GLIS3: variants seen among roughly 807,000 people sequenced by gnomAD.
The protein encoded by GLIS3 is GLIS family zinc finger 3.
A neutral mutation model predicts 78.6 loss-of-function variants in GLIS3; 53 were observed. The ratio of observed to expected loss-of-function variants is 0.67; its 90% CI spans 0.54 to 0.85. The LOEUF (loss-of-function observed/expected upper bound fraction) is 0.85, where lower values mean the gene tolerates loss of function less well. GLIS3 is among the 40% of genes least tolerant of loss of function. The probability of loss-of-function intolerance (pLI) is 0.00; values close to 1 mark genes in which losing one functional copy is unlikely to be tolerated. For missense variants in GLIS3, 1,703 were observed against 1,231.1 expected (o/e 1.38, Z -5.74); for synonymous variants, 684 against 509.9 (o/e 1.34, Z -4.60).
chr9:4,238,556 C>G (rs927419889), intron 2 of GLIS3, among the ~76,000 whole-genome samples: 1 of 152,180 alleles, frequency 6.6e-6, no homozygotes, highest in Non-Finnish European at 1.5e-5. Context: ...ACTCAGAAGG[C>G]CCGTGTGAAG....
the GLIS3 span, among the ~76,000 whole-genome samples, chr9:4,393,427 C>T: frequency 1.3e-4 from 20 of 152,166 alleles, no homozygotes; most frequent in Non-Finnish European, 2.9e-4. Context: ...AAATTTAACA[C>T]TCACACAGTA....
At chr9:4,264,645 C>T (rs538834964) in intron 2 of GLIS3, among the ~76,000 whole-genome samples, 20 of 152,158 alleles carry the variant, frequency 1.3e-4, no homozygotes, top group Non-Finnish European at 2.2e-4. Context: ...ACACTCTTCA[C>T]TCAAATCAGA....
intron 7 of GLIS3, 151 bp from the exon 8 acceptor site, chr9:3,879,746 C>T (rs1326418178): frequency 2.5e-6 from 2 of 803,074 alleles, no homozygotes; most frequent in Non-Finnish European, 4.0e-6. Flanking sequence ...CTTGGGTACA[C>T]ACAGCTTTTA....
the GLIS3 span, among the ~76,000 whole-genome samples, chr9:4,387,672 A>C: frequency 6.6e-6 from 1 of 152,232 alleles, no homozygotes; most frequent in Non-Finnish European, 1.5e-5. Flanking sequence ...TGAGCTAGGT[A>C]GTTCACTCAT....
At chr9:4,153,122 T>C (rs1212739733) in intron 2 of GLIS3, among the ~76,000 whole-genome samples, 2 of 152,114 alleles carry the variant, frequency 1.3e-5, no homozygotes, top group African/African-American at 4.8e-5. Context: ...TGTCTAGACA[T>C]TGCCAAATGT....
chr9:4,383,920 C>T, the GLIS3 span, among the ~76,000 whole-genome samples: 1 of 152,142 alleles, frequency 6.6e-6, no homozygotes, highest in African/African-American at 2.4e-5. Context: ...GCTAGGTGGT[C>T]CTAGAGAGAG....
At chr9:4,364,360 G>A in the GLIS3 span, among the ~76,000 whole-genome samples, 12 of 152,188 alleles carry the variant, frequency 7.9e-5, no homozygotes, top group African/African-American at 2.9e-4. Context: ...CCTTGGGTGA[G>A]GATAAGTCTT....
rs181859921 is a variant in GLIS3 at position 4,140,292 on chromosome 9, C to G, written c.389-14351G>C. ...TGAGCCAGGATGGCACCACGGCACT[C>G]CAGCCTGGGTGACAAAGTGAGACCC... On this transcript the variant is annotated intron_variant, in intron 2 of 10. Transcript: ENST00000381971. 7.8e-3 allele frequency among the ~76,000 whole-genome samples: 1,185 copies of G among 152,210 alleles called. 50 individuals carry two copies. The highest frequency in any genetic ancestry group is 0.067 in the Admixed American group (1,030 of 15,278).
At chr9:4,416,822 T>G in the GLIS3 span, among the ~76,000 whole-genome samples, 2 of 147,008 alleles carry the variant, frequency 1.4e-5, no homozygotes, top group South Asian at 2.2e-4. Flanking sequence ...GTTTTTTTTT[T>G]TTTTTTTTTT....
chr9:4,192,173 C>T (rs1818389289), intron 2 of GLIS3, among the ~76,000 whole-genome samples: 1 of 152,184 alleles, frequency 6.6e-6, no homozygotes, highest in East Asian at 1.9e-4. Flanking sequence ...AAAATTTTCA[C>T]AATCTCTTTA....
chr9:4,207,633 CTA>C (rs1461542023), intron 2 of GLIS3, among the ~76,000 whole-genome samples: 1 of 152,200 alleles, frequency 6.6e-6, no homozygotes, highest in Non-Finnish European at 1.5e-5. Context: ...ACAGCCCATA[CTA>C]TGTGTGACAT....
At chr9:4,206,126 C>G (rs375237962) in intron 2 of GLIS3, among the ~76,000 whole-genome samples, 2 of 152,234 alleles carry the variant, frequency 1.3e-5, no homozygotes, top group South Asian at 4.2e-4. Flanking sequence ...AAGGCAAACT[C>G]TACATGCTTT....
At chr9:4,429,112 A>T in the GLIS3 span, among the ~76,000 whole-genome samples, 1 of 152,174 alleles carries the variant, frequency 6.6e-6, no homozygotes, top group Admixed American at 6.5e-5. Flanking sequence ...TGGAAGTGGC[A>T]GTTCCATAGC....
chr9:4,288,153 T>C (rs1348949055), intron 1 of GLIS3, among the ~76,000 whole-genome samples: 1 of 152,220 alleles, frequency 6.6e-6, no homozygotes, highest in African/African-American at 2.4e-5. Context: ...CTCCTGTGTG[T>C]CACCAGCCAG....
chr9:3,878,536 C>T (rs148993632), intron 8 of GLIS3: 19 of 152,270 alleles, frequency 1.2e-4, no homozygotes, highest in African/African-American at 4.6e-4. Flanking sequence ...CACCAGTAAT[C>T]TCTAAGTTAC....
intron 4 of GLIS3, among the ~76,000 whole-genome samples, chr9:4,039,453 C>A (rs1157395924): frequency 6.6e-6 from 1 of 152,152 alleles, no homozygotes; most frequent in Non-Finnish European, 1.5e-5. Flanking sequence ...GAGGCCTGTG[C>A]TTCTTGGAAA....
chr9:4,185,885 C>T (rs994060386), intron 2 of GLIS3, among the ~76,000 whole-genome samples: 8 of 152,152 alleles, frequency 5.3e-5, no homozygotes, highest in African/African-American at 1.9e-4. Context: ...ACATGTTCCA[C>T]ACAAACCAGC....
the GLIS3 span, among the ~76,000 whole-genome samples, chr9:4,377,843 G>A: frequency 6.6e-6 from 1 of 152,156 alleles, no homozygotes; most frequent in Non-Finnish European, 1.5e-5. Flanking sequence ...GGAAAAAACA[G>A]TCGTGATCTC....
intron 1 of GLIS3, among the ~76,000 whole-genome samples, chr9:4,295,010 C>T (rs1338299379): frequency 6.6e-6 from 1 of 152,178 alleles, no homozygotes; most frequent in African/African-American, 2.4e-5. Context: ...ATTACAGTTG[C>T]ATGTTTCCTA....
Sources: allele counts gnomAD v4.1 joint callset (sites outside exome capture counted in the v4.1 genomes callset), GRCh38; gene constraint gnomAD v4.1.1; transcripts MANE v1.5; gene names NCBI Gene and HGNC (gene_info 2026-07-23, HGNC 2026-07-21).